Variants in CDYL2 observed in about 807,000 individuals in gnomAD.
The protein encoded by CDYL2 is chromodomain Y-like protein 2.
Under a neutral mutation model 49.4 loss-of-function variants are expected in CDYL2, and 23 were observed. The ratio of observed to expected loss-of-function variants is 0.47; its 90% confidence interval spans 0.34 to 0.66. CDYL2 has a LOEUF of 0.66. CDYL2 is among the 30% of genes least tolerant of loss of function. The probability of loss-of-function intolerance (pLI) is 0.01; values close to 1 mark genes in which losing one functional copy is unlikely to be tolerated. For synonymous variants in CDYL2, 360 were observed against 268.8 expected (o/e 1.34, Z -3.32); for missense variants, 678 against 656.4 (o/e 1.03, Z -0.36).
chr16:80,721,009 C>T (rs1904980205), intron 1 of CDYL2, among the ~76,000 whole-genome samples: 1 of 152,058 alleles, frequency 6.6e-6, no homozygotes, highest in Admixed American at 6.6e-5. Context: ...ATGAGCTCAT[C>T]CTGGAGAGAC....
intron 1 of CDYL2, among the ~76,000 whole-genome samples, chr16:80,771,074 G>C (rs932296374): frequency 1.3e-5 from 2 of 152,130 alleles, no homozygotes; most frequent in Non-Finnish European, 2.9e-5. Context: ...TCCTAGTTTT[G>C]ATTCATCTGA....
chr16:80,681,427 C>A (rs1445920947), intron 2 of CDYL2, among the ~76,000 whole-genome samples: 1 of 152,182 alleles, frequency 6.6e-6, no homozygotes, highest in Non-Finnish European at 1.5e-5. Context: ...TTCCCTCTGG[C>A]TGAAAACACA....
At chr16:80,669,122 G>C (rs1307704532) in intron 2 of CDYL2, among the ~76,000 whole-genome samples, 1 of 151,802 alleles carries the variant, frequency 6.6e-6, no homozygotes, top group Non-Finnish European at 1.5e-5. Flanking sequence ...ACTCTAAAAT[G>C]GCAGTAAAAG....
intron 1 of CDYL2, among the ~76,000 whole-genome samples, chr16:80,791,357 AT>A (rs1317298955): frequency 6.6e-6 from 1 of 152,258 alleles, no homozygotes; most frequent in Non-Finnish European, 1.5e-5. Flanking sequence ...TAATTATTTC[AT>A]TAAACAGATT....
chr16:80,754,648 C>T (rs376422742), intron 1 of CDYL2, among the ~76,000 whole-genome samples: 3 of 152,150 alleles, frequency 2.0e-5, no homozygotes, highest in African/African-American at 7.2e-5. Flanking sequence ...AGCCTTACTT[C>T]CCTTATCAGT....
At chr16:80,623,079 C>G (rs1327681417) in intron 3 of CDYL2, among the ~76,000 whole-genome samples, 1 of 152,194 alleles carries the variant, frequency 6.6e-6, no homozygotes, top group East Asian at 1.9e-4. Flanking sequence ...GGAGATGGTA[C>G]AAGCTCTGTC....
intron 4 of CDYL2, among the ~76,000 whole-genome samples, chr16:80,614,831 T>A (rs2142368351): frequency 7.0e-6 from 1 of 142,692 alleles, no homozygotes; most frequent in African/African-American, 2.7e-5. Context: ...GCCACTGCAT[T>A]CCAGCCTGGG....
intron 1 of CDYL2, among the ~76,000 whole-genome samples, chr16:80,716,674 G>A (rs1421863123): frequency 6.6e-6 from 1 of 151,248 alleles, no homozygotes; most frequent in Non-Finnish European, 1.5e-5. Context: ...ATAGATGATT[G>A]GATGGATAAC....
upstream of CDYL2, among the ~76,000 whole-genome samples, chr16:80,804,630 C>T (rs1392209193): frequency 2.1e-5 from 3 of 145,192 alleles, no homozygotes; most frequent in African/African-American, 4.9e-5. Flanking sequence ...GAGCCCGGCC[C>T]GGCCCCCGGG....
chr16:80,741,324 A>C (rs1905727942), intron 1 of CDYL2, among the ~76,000 whole-genome samples: 1 of 151,936 alleles, frequency 6.6e-6, no homozygotes, highest in Admixed American at 6.6e-5. Context: ...ACATGAATCC[A>C]ATTTACCTCA....
At chr16:80,631,832 C>A (rs889311387) in intron 3 of CDYL2, among the ~76,000 whole-genome samples, 5 of 152,172 alleles carry the variant, frequency 3.3e-5, no homozygotes, top group Admixed American at 3.3e-4. Context: ...ACCAAAGCCA[C>A]AATGAGATAC....
chr16:80,797,258 T>C (rs1208857666), intron 1 of CDYL2, among the ~76,000 whole-genome samples: 2 of 152,322 alleles, frequency 1.3e-5, no homozygotes, highest in Middle Eastern at 3.4e-3. Flanking sequence ...CCAAACTCAC[T>C]GTCCTTTCCA....
chr16:80,612,910 C>A lies in CDYL2; in HGVS notation c.1008-74G>T. 1 of 1,394,954 alleles carries A rather than the reference C, an allele frequency of 7.2e-7. No individual in the cohort carries two copies. Among genetic ancestry groups the A allele is most frequent in the Non-Finnish European group, 9.7e-7 (1 of 1,035,164 alleles). 86.4% of individuals were successfully genotyped at this position (1,394,954 alleles called of 1,614,324 possible). A position where few individuals can be genotyped will look rare whatever the true frequency, so the allele number is the denominator to read the frequency against. On this transcript the variant is annotated intron_variant, in intron 4 of 6. Transcript: ENST00000570137. This position sits in a 1 kb window ranked among gnomAD's most constrained non-coding sequence, Gnocchi z 5.0. ...GCCCCACTGGAACCCTTGACTCTCC[C>A]AGGTGCTGTGAGGAGCACCCTCAGG...
chr16:80,611,665 C>T (rs993931799), intron 5 of CDYL2, among the ~76,000 whole-genome samples: 6 of 152,226 alleles, frequency 3.9e-5, no homozygotes, highest in African/African-American at 1.4e-4. Flanking sequence ...ACTGGCACTA[C>T]CACTGCATGC....
intron 1 of CDYL2, among the ~76,000 whole-genome samples, chr16:80,760,636 A>T (rs1906495282): frequency 6.6e-6 from 1 of 152,176 alleles, no homozygotes; most frequent in African/African-American, 2.4e-5. Flanking sequence ...AAAAATTAAA[A>T]ATTTAAAAAG....
At chr16:80,619,760 GT>G (rs942619953) in intron 4 of CDYL2, among the ~76,000 whole-genome samples, 15 of 152,320 alleles carry the variant, frequency 9.8e-5, no homozygotes, top group Middle Eastern at 6.8e-3. Flanking sequence ...AAACACACGG[GT>G]ATTTCGGAGC....
chr16:80,677,075 A>G (rs1909779390), intron 2 of CDYL2, among the ~76,000 whole-genome samples: 1 of 145,308 alleles, frequency 6.9e-6, no homozygotes, highest in African/African-American at 2.6e-5. Flanking sequence ...GGCTCAAGTG[A>G]TCCTCCCACC....
chr16:80,651,441 T>C (rs973063214), intron 2 of CDYL2, among the ~76,000 whole-genome samples: 3 of 152,038 alleles, frequency 2.0e-5, no homozygotes, highest in Non-Finnish European at 2.9e-5. Context: ...TCCAGTGGAA[T>C]AAGGGGAAGG....
At chr16:80,695,938 G>A (rs979573697) in intron 1 of CDYL2, among the ~76,000 whole-genome samples, 2 of 152,198 alleles carry the variant, frequency 1.3e-5, no homozygotes, top group African/African-American at 2.4e-5. Context: ...ATCAACTGCT[G>A]CAGAACGCAT....
Sources: gnomAD v4.1 joint callset for allele counts (sites outside exome capture counted in the v4.1 genomes callset) on GRCh38, gnomAD v4.1.1 for gene constraint, Gnocchi (gnomAD v3.1) non-coding constraint, MANE v1.5 for transcripts, NCBI Gene and HGNC (gene_info 2026-07-23, HGNC 2026-07-21) for gene names.